The following MYL1 variants were observed in gnomAD, a reference collection of about 807,000 sequenced individuals.
MYL1 encodes the protein myosin light chain 1.
A neutral mutation model predicts 21.8 loss-of-function variants in MYL1; 16 were observed. The observed-to-expected ratio is 0.74, with a 90% CI of 0.50 to 1.12. The LOEUF (loss-of-function observed/expected upper bound fraction) is 1.12. Ranked by LOEUF, MYL1 falls within the 50% of genes most tolerant of loss-of-function variation. The pLI, the probability that MYL1 is intolerant of heterozygous loss-of-function variation, is 0.00. For synonymous variants in MYL1, 99 were observed against 85.2 expected, an observed-to-expected ratio of 1.16 and a Z score of -0.89; for missense variants, 246 against 241.0, an observed-to-expected ratio of 1.02 and a Z score of -0.14.
At position 210,299,475 on chromosome 2, in the gene MYL1, C is replaced by T. The variant is rs150753755; in HGVS notation, c.161-912G>A. ...TTTAGTCACATTTTCCCAGTTTGCT[C>T]GATTCATTGTGTGTACGTGTATGTA... On this transcript the variant is annotated intron_variant, in intron 2 of 6. Transcript: ENST00000352451. Among the ~76,000 whole-genome samples the T allele has an allele frequency of 3.1e-3, 476 of 152,194 alleles. 4 individuals are homozygous for T. The Middle Eastern group carries it at 0.037, about 12-fold the overall frequency.
chr2:210,313,486 T>C (rs1388899709), intron 1 of MYL1, among the ~76,000 whole-genome samples: 1 of 151,978 alleles, frequency 6.6e-6, no homozygotes, highest in African/African-American at 2.4e-5. Context: ...TGGTTTCCTC[T>C]TAAAGAACTG....
At chr2:210,297,520 T>G (rs1220313553) in intron 3 of MYL1, among the ~76,000 whole-genome samples, 13 of 112,440 alleles carry the variant, frequency 1.2e-4, no homozygotes, top group Admixed American at 1.1e-3. Flanking sequence ...TATTCGTGGG[T>G]TTTTTTTTTT....
intron 1 of MYL1, among the ~76,000 whole-genome samples, chr2:210,308,404 ATATATATATATATATAT>A: frequency 2.6e-5 from 1 of 38,728 alleles, no homozygotes; most frequent in South Asian, 1.1e-3. Flanking sequence ...AGGCTAATAT[ATATATATATATATATAT>A]ATATATATAT....
intron 2 of MYL1, among the ~76,000 whole-genome samples, chr2:210,300,635 A>G (rs995445945): frequency 6.6e-6 from 1 of 152,194 alleles, no homozygotes; most frequent in African/African-American, 2.4e-5. Flanking sequence ...CTGCCCAAAA[A>G]GGTGGCTATT....
chr2:210,310,212 T>C (rs1690396825), intron 1 of MYL1, among the ~76,000 whole-genome samples: 1 of 152,118 alleles, frequency 6.6e-6, no homozygotes, highest in African/African-American at 2.4e-5. Context: ...TTTAAGATTA[T>C]GTAAAGAAAA....
rs1464895965 is a variant in MYL1, at chr2:210,292,838, T to C, written c.556+885A>G. 2.0e-5 allele frequency among the ~76,000 whole-genome samples: 3 copies of C among 152,256 alleles called. No homozygotes were observed. The East Asian group carries it at 5.8e-4, about 29-fold the overall frequency. On this transcript the variant is annotated intron_variant, in intron 5 of 6. Coordinates refer to ENST00000352451, the MANE Select transcript of MYL1 (RefSeq NM_079420.3). Reference sequence around the variant, plus strand: ...CTTTATTTTCTAGATGACTGTCCACTTGTTCAAACAGTATTTATTGAATGA... The same window carrying C: ...CTTTATTTTCTAGATGACTGTCCACCTGTTCAAACAGTATTTATTGAATGA...
intron 1 of MYL1, among the ~76,000 whole-genome samples, chr2:210,314,538 T>C (rs766736214): frequency 3.5e-4 from 53 of 152,312 alleles, no homozygotes; most frequent in Non-Finnish European, 6.5e-4. Context: ...TTGATGTAAT[T>C]TGTAAGTAAG....
chr2:210,297,034 TATAC>T (rs1690185084), intron 3 of MYL1, among the ~76,000 whole-genome samples: 1 of 148,868 alleles, frequency 6.7e-6, no homozygotes, highest in Non-Finnish European at 1.5e-5. Flanking sequence ...TATATATATA[TATAC>T]ATATATATAA....
At chr2:210,303,805 A>G (rs879219312) in intron 1 of MYL1, among the ~76,000 whole-genome samples, 2 of 152,176 alleles carry the variant, frequency 1.3e-5, no homozygotes, top group Non-Finnish European at 2.9e-5. Context: ...AGACAGCCAT[A>G]GTGAGATGGA....
At chr2:210,313,640 CAAACT>C (rs1690448494) in intron 1 of MYL1, among the ~76,000 whole-genome samples, 1 of 151,802 alleles carries the variant, frequency 6.6e-6, no homozygotes, top group Non-Finnish European at 1.5e-5. Flanking sequence ...CAAATACCTA[CAAACT>C]AAAGATTAAA....
intron 1 of MYL1, among the ~76,000 whole-genome samples, chr2:210,307,635 A>G (rs1420190674): frequency 6.6e-6 from 1 of 152,142 alleles, no homozygotes; most frequent in Non-Finnish European, 1.5e-5. Context: ...CTCTTAGTAA[A>G]CTAGTTACAT....
At position 210,298,528 on chromosome 2, in the gene MYL1, C is replaced by T. The variant is rs11554011; in HGVS notation, c.196G>A (p.Gly66Ser). Reference sequence around the variant, plus strand: ...TGGCTTAAGGTGATCTTGGAATCACCTGTTCTGTCAAACAGGAGAAATGCC... The same window carrying T: ...TGGCTTAAGGTGATCTTGGAATCACTTGTTCTGTCAAACAGGAGAAATGCC... ...KEAFLLFDRT[G>S]DSKITLSQVG... The change falls in exon 3 of 7, where the codon GGT becomes AGT. Residue 66 changes from glycine to serine, a missense_variant. Coordinates refer to ENST00000352451, the MANE Select transcript of MYL1 (RefSeq NM_079420.3). The T allele has an allele frequency of 3.7e-6, 6 of 1,614,102 alleles. No homozygotes were observed. Among genetic ancestry groups the T allele is most frequent in the East Asian group, 2.2e-5 (1 of 44,866 alleles).
intron 1 of MYL1, among the ~76,000 whole-genome samples, chr2:210,312,366 A>G (rs1690428978): frequency 1.3e-5 from 2 of 151,888 alleles, no homozygotes; most frequent in African/African-American, 4.8e-5. Context: ...TACATATAAC[A>G]GCTCTATTAA....
At chr2:210,308,872 T>TCTTTC (rs10626324) in intron 1 of MYL1, among the ~76,000 whole-genome samples, 1 of 151,732 alleles carries the variant, frequency 6.6e-6, no homozygotes, top group Non-Finnish European at 1.5e-5. Context: ...TTTTGTTCAT[T>TCTTTC]ATTTTAAAAA....
Position 210,291,060 on chromosome 2 carries a change from T to A in MYL1, c.571A>T (p.Ile191Phe). 1 of 1,610,010 alleles carries A rather than the reference T, an allele frequency of 6.2e-7. No homozygotes were observed. The highest frequency in any genetic ancestry group is 8.5e-7 in the Non-Finnish European group (1 of 1,176,742). ...CINYEAFVKH[I>F]MSI is the part of the protein sequence containing the mutation. ...GAGAGCTCCATTCAGATAGACATGA[T>A]GTGCTTGACAAAAGCTGTAGGAGCA... The change falls in exon 6 of 7, where the codon ATC becomes TTC. Residue 191 changes from isoleucine (I) to phenylalanine (F), a missense_variant. Transcript: ENST00000352451.
intron 2 of MYL1, 93 bp from the exon 3 acceptor site, chr2:210,298,656 G>A: frequency 2.1e-6 from 3 of 1,397,662 alleles, no homozygotes; most frequent in Non-Finnish European, 2.9e-6. Flanking sequence ...AAACTCTTCA[G>A]TTTTACAACT....
chr2:210,292,123 C>T (rs973619954), intron 5 of MYL1, among the ~76,000 whole-genome samples: 23 of 152,280 alleles, frequency 1.5e-4, no homozygotes, highest in African/African-American at 5.3e-4. Flanking sequence ...GGCTGGAGTG[C>T]AGTAACGCGA....
intron 5 of MYL1, among the ~76,000 whole-genome samples, chr2:210,293,243 A>G (rs1227571604): frequency 1.3e-5 from 2 of 152,014 alleles, no homozygotes; most frequent in Admixed American, 6.6e-5. Flanking sequence ...ACAATTGGCA[A>G]CTGTGGGCTG....
In MYL1 at chr2:210,299,932, C is replaced by T. The variant is rs191077149; in HGVS notation, c.161-1369G>A. ...TATTCCATCTTGCTATTCCTCCCTCCCCTAATCTAACATCGCACTGACATT... is the reference window on the plus strand; with the variant it reads ...TATTCCATCTTGCTATTCCTCCCTCTCCTAATCTAACATCGCACTGACATT... On this transcript the variant is annotated intron_variant, in intron 2 of 6. Coordinates refer to ENST00000352451, the MANE Select transcript of MYL1 (RefSeq NM_079420.3). Among the ~76,000 whole-genome samples, 94 of 152,072 alleles carry T rather than the reference C, an allele frequency of 6.2e-4. 2 individuals carry two copies. In the East Asian group the frequency reaches 0.015, roughly 25 times the overall value.
Sources: allele counts gnomAD v4.1 joint callset (sites outside exome capture counted in the v4.1 genomes callset), GRCh38; gene constraint gnomAD v4.1.1; transcripts MANE v1.5; gene names NCBI Gene and HGNC (gene_info 2026-07-23, HGNC 2026-07-21).